POPDC3: variants seen among roughly 807,000 people sequenced by gnomAD.
The protein encoded by POPDC3 is popeye domain-containing protein 3.
Under a neutral mutation model 28.2 loss-of-function variants are expected in POPDC3, and 20 were observed. The ratio of observed to expected loss-of-function variants is 0.71; its 90% CI spans 0.50 to 1.03. The LOEUF (loss-of-function observed/expected upper bound fraction) is 1.03. POPDC3 is among the 50% of genes least tolerant of loss of function. The probability of loss-of-function intolerance (pLI) is 0.00; values close to 1 mark genes in which losing one functional copy is unlikely to be tolerated. For synonymous variants in POPDC3, 118 were observed against 124.1 expected, an observed-to-expected ratio of 0.95 and a Z score of 0.33; for missense variants, 316 against 345.9, an observed-to-expected ratio of 0.91 and a Z score of 0.69.
At chr6:105,170,762 G>A (rs1184505460) in intron 1 of POPDC3, among the ~76,000 whole-genome samples, 1 of 152,190 alleles carries the variant, frequency 6.6e-6, no homozygotes, top group Non-Finnish European at 1.5e-5. Context: ...TGGGGTTAGT[G>A]ATATAACACT....
chr6:105,170,356 G>T (rs531856079), intron 1 of POPDC3, among the ~76,000 whole-genome samples: 1 of 152,244 alleles, frequency 6.6e-6, no homozygotes, highest in East Asian at 1.9e-4. Context: ...GGACACCTTT[G>T]CTTTCCTTTA....
rs780045471 is a variant in POPDC3, at chr6:105,159,783, G to T, written c.522C>A (p.Tyr174Ter). 1.2e-6 allele frequency: 2 copies of T among 1,611,052 alleles called. No individual in the cohort carries two copies. The highest frequency in any genetic ancestry group is 1.7e-6 in the Non-Finnish European group (2 of 1,178,228). ...RVTVDGEFLHYIFPLQFLDSP... is the reference protein window; with the variant it reads ...RVTVDGEFLH ...AATCCAGGAACTGAAGGGGGAAAAT[G>T]TAATGCAGAAATTCGCCATCAACTG... The change falls in exon 3 of 4, where the codon TAC (tyrosine) becomes TAA (stop). Residue 174 changes from tyrosine (Y) to a stop codon, truncating the protein, a stop_gained. Transcript: ENST00000254765. LOFTEE classifies it high-confidence loss of function.
At chr6:105,177,733 A>G (rs889977389) in intron 1 of POPDC3, among the ~76,000 whole-genome samples, 1 of 152,174 alleles carries the variant, frequency 6.6e-6, no homozygotes, top group African/African-American at 2.4e-5. Flanking sequence ...TGTCCTTCCA[A>G]TACTACCCCA....
rs778327126 is a variant in POPDC3 at position 105,161,739 on chromosome 6, C to G, written c.171G>C (p.Leu57=). Residue 57 remains leucine (L), a synonymous_variant, in exon 2 of 4, where the codon CTG becomes CTC. Coordinates refer to ENST00000254765, the MANE Select transcript of POPDC3 (RefSeq NM_022361.5). ...CAGCAGAACAGAGAAAACCCAACCC[C>G]AGCAAACTGAAGACATAAAGGAGCC... is the stretch of plus-strand genomic sequence containing the variant. ...FFGLLYVFSL[L]GLGFLCSAVW... 2 of 1,614,158 alleles carry G rather than the reference C, an allele frequency of 1.2e-6. No individual in the cohort carries two copies. The highest frequency in any genetic ancestry group is 3.3e-5 in the Admixed American group (2 of 60,018).
chr6:105,177,039 AAAT>A, intron 1 of POPDC3: 1 of 347,300 alleles, frequency 2.9e-6, no homozygotes, highest in Non-Finnish European at 4.1e-6. Context: ...CAATGTAAAA[AAAT>A]TTTAAATATA....
At chr6:105,169,000 C>T (rs996916240) in intron 1 of POPDC3, 1 of 152,196 alleles carries the variant, frequency 6.6e-6, no homozygotes, top group African/African-American at 2.4e-5. Flanking sequence ...ACCTTGACTG[C>T]AGGCTTGGGA....
At chr6:105,171,868 G>C (rs1016625010) in intron 1 of POPDC3, among the ~76,000 whole-genome samples, 2 of 150,652 alleles carry the variant, frequency 1.3e-5, no homozygotes, top group African/African-American at 2.5e-5. Context: ...TATTATATTA[G>C]AGATGGAGTC....
At chr6:105,160,365 C>T (rs1421791263) in intron 2 of POPDC3, among the ~76,000 whole-genome samples, 3 of 152,028 alleles carry the variant, frequency 2.0e-5, no homozygotes, top group East Asian at 1.9e-4. Flanking sequence ...GCGTGCACTA[C>T]GATGTCCAGC....
chr6:105,167,653 A>G (rs1396344139), intron 1 of POPDC3, among the ~76,000 whole-genome samples: 1 of 151,768 alleles, frequency 6.6e-6, no homozygotes, highest in Admixed American at 6.6e-5. Flanking sequence ...AGGCTGAGGC[A>G]GGAGAATTGC....
rs145506561 is a variant in POPDC3 at position 105,178,082 on chromosome 6, T to G, written c.-252+1751A>C. On this transcript the variant is annotated intron_variant, in intron 1 of 3. Transcript: ENST00000254765. ...TACTCTTCTATTAATTGGAGGGACA[T>G]TCTCTCGAGGGAGCTCATAATCCCA... 8.0e-4 allele frequency among the ~76,000 whole-genome samples: 122 copies of G among 152,354 alleles called. 2 individuals are homozygous for G. The East Asian group carries it at 0.021, about 26-fold the overall frequency.
At chr6:105,178,756 GA>G (rs1209771786) in intron 1 of POPDC3, 2 of 984,876 alleles carry the variant, frequency 2.0e-6, no homozygotes, top group Non-Finnish European at 2.4e-6. Context: ...TTGTCACAAA[GA>G]ACAATGCCAA....
intron 3 of POPDC3, chr6:105,158,978 G>T: frequency 2.7e-6 from 1 of 363,870 alleles, no homozygotes. Flanking sequence ...CAATCTGTCT[G>T]TTTTTCTAAG....
chr6:105,160,477 G>A (rs1774298602), intron 2 of POPDC3, among the ~76,000 whole-genome samples: 1 of 152,044 alleles, frequency 6.6e-6, no homozygotes, highest in African/African-American at 2.4e-5. Context: ...GCCTCCCAAA[G>A]TGCTGGGATT....
At position 105,161,764 on chromosome 6, in the gene POPDC3, C is replaced by T; in HGVS notation, c.146G>A (p.Gly49Glu). ...VGFMGGSGFF[G>E]LLYVFSLLGL... is the part of the protein sequence containing the mutation. Reference sequence around the variant, plus strand: ...CAGCAAACTGAAGACATAAAGGAGCCCGAAGAATCCACTGCCACCCATGAA... The same window carrying T: ...CAGCAAACTGAAGACATAAAGGAGCTCGAAGAATCCACTGCCACCCATGAA... The change falls in exon 2 of 4, where the codon GGG becomes GAG. Residue 49 changes from glycine to glutamate, a missense_variant. Transcript: ENST00000254765. 2 of 1,614,072 alleles carry T rather than the reference C, an allele frequency of 1.2e-6. No individual in the cohort carries two copies. The highest frequency in any genetic ancestry group is 1.7e-6 in the Non-Finnish European group (2 of 1,180,016).
Position 105,160,826 on chromosome 6 carries a change from G to A in POPDC3, c.485+599C>T, listed in dbSNP as rs1774310238. ...GTGTTGGCCAGGCTGGTCTTGAACT[G>A]CTGACCTCAGGTGATTATCCTGCCT... On this transcript the variant is annotated intron_variant, in intron 2 of 3. Coordinates refer to ENST00000254765, the MANE Select transcript of POPDC3 (RefSeq NM_022361.5). 2.0e-5 allele frequency among the ~76,000 whole-genome samples: 3 copies of A among 151,614 alleles called. No homozygotes were observed. The South Asian group carries it at 6.3e-4, about 32-fold the overall frequency.
intron 1 of POPDC3, among the ~76,000 whole-genome samples, chr6:105,173,365 T>A (rs71572250): frequency 3.3e-5 from 5 of 152,222 alleles, no homozygotes; most frequent in Admixed American, 6.5e-5. Context: ...CTCTCCTTCA[T>A]GCATTGTGAC....
At chr6:105,164,033 A>G (rs1332951022) in intron 1 of POPDC3, among the ~76,000 whole-genome samples, 1 of 152,186 alleles carries the variant, frequency 6.6e-6, no homozygotes, top group Non-Finnish European at 1.5e-5. Context: ...TTCAAATACA[A>G]TGAGTAGTGA....
rs566595479 is a variant in POPDC3 at position 105,161,862 on chromosome 6, T to G, written c.48A>C (p.Pro16=). The change falls in exon 2 of 4, where the codon CCA becomes CCC. Residue 16 remains proline (P), a synonymous_variant. Transcript: ENST00000254765. ...SLWKNLIDEH[P]VCTTWKQEAE... ...CCTCTTGCTTCCAGGTTGTGCAGAC[T>G]GGGTGTTCATCTATTAGGTTCTTCC... 3 of 1,612,842 alleles carry G rather than the reference T, an allele frequency of 1.9e-6. No homozygotes were observed. Among genetic ancestry groups the G allele is most frequent in the Admixed American group, 3.3e-5 (2 of 59,724 alleles).
chr6:105,169,624 CTA>C (rs1291831951), intron 1 of POPDC3: 7 of 152,270 alleles, frequency 4.6e-5, no homozygotes, highest in South Asian at 4.1e-4. Context: ...AGAATTAACT[CTA>C]TTTCTTCAAA....
Sources: gnomAD v4.1 joint callset for allele counts (sites outside exome capture counted in the v4.1 genomes callset) on GRCh38, gnomAD v4.1.1 for gene constraint, MANE v1.5 for transcripts, NCBI Gene and HGNC (gene_info 2026-07-23, HGNC 2026-07-21) for gene names.